Variants in EXOC6B observed in about 807,000 individuals in gnomAD.
EXOC6B encodes exocyst complex component 6B, also known as SEC15 homolog B.
In EXOC6B, 54 loss-of-function variants were observed where a neutral mutation model predicts 113.5. That is an observed-to-expected ratio of 0.48 (90% CI 0.38 to 0.60). The LOEUF (loss-of-function observed/expected upper bound fraction) is 0.60, where lower values mean the gene tolerates loss of function less well. Ranked by LOEUF, EXOC6B falls within the 20% of genes least tolerant of loss-of-function variation. The pLI is 0.00. For synonymous variants in EXOC6B, 357 were observed against 339.0 expected (o/e 1.05, Z -0.58); for missense variants, 797 against 977.5 (o/e 0.82, Z 2.46).
intron 1 of EXOC6B, among the ~76,000 whole-genome samples, chr2:72,746,393 G>A (rs1327408078): frequency 1.3e-5 from 2 of 151,926 alleles, no homozygotes; most frequent in African/African-American, 4.8e-5. Flanking sequence ...GTGGAGTCTG[G>A]TTTCCAAAAA....
chr2:72,582,088 A>G (rs1312754571), intron 6 of EXOC6B, among the ~76,000 whole-genome samples: 1 of 152,202 alleles, frequency 6.6e-6, no homozygotes. Flanking sequence ...TTCATAGGCC[A>G]TAGAAGAAAA....
intron 6 of EXOC6B, among the ~76,000 whole-genome samples, chr2:72,600,375 T>C (rs1364497702): frequency 4.2e-5 from 6 of 143,018 alleles, no homozygotes; most frequent in African/African-American, 1.6e-4. Flanking sequence ...CTGGGAGGCA[T>C]AGGTTGCACT....
At chr2:72,599,797 C>T (rs1573463408) in intron 6 of EXOC6B, among the ~76,000 whole-genome samples, 1 of 151,914 alleles carries the variant, frequency 6.6e-6, no homozygotes, top group East Asian at 1.9e-4. Context: ...GTGCCATTTA[C>T]ATTAGCACCC....
At chr2:72,800,800 C>T (rs1321451692) in intron 1 of EXOC6B, among the ~76,000 whole-genome samples, 2 of 152,144 alleles carry the variant, frequency 1.3e-5, no homozygotes, top group Non-Finnish European at 2.9e-5. Flanking sequence ...GATAAGCCAA[C>T]ATTATTTTTA....
intron 6 of EXOC6B, among the ~76,000 whole-genome samples, chr2:72,695,856 G>T (rs892066146): frequency 6.6e-6 from 1 of 152,198 alleles, no homozygotes; most frequent in African/African-American, 2.4e-5. Context: ...GCTCACTCCA[G>T]TGCAGTGGGA....
At chr2:72,751,057 GA>G (rs970243380) in intron 1 of EXOC6B, among the ~76,000 whole-genome samples, 21 of 150,620 alleles carry the variant, frequency 1.4e-4, no homozygotes, top group South Asian at 2.1e-4. Flanking sequence ...ACCAAGAAAA[GA>G]AAAAAAAACT....
intron 18 of EXOC6B, among the ~76,000 whole-genome samples, chr2:72,433,621 C>A (rs1318705147): frequency 1.3e-5 from 2 of 152,170 alleles, no homozygotes; most frequent in Non-Finnish European, 2.9e-5. Context: ...AGGTCCTTCA[C>A]ATCCCTTGTA....
intron 6 of EXOC6B, among the ~76,000 whole-genome samples, chr2:72,619,177 GC>G (rs1671588429): frequency 2.7e-5 from 4 of 149,576 alleles, no homozygotes; most frequent in Non-Finnish European, 6.0e-5. Flanking sequence ...GAAATACACA[GC>G]CAGAGAGAGA....
intron 1 of EXOC6B, among the ~76,000 whole-genome samples, chr2:72,751,633 A>G (rs577598682): frequency 1.3e-5 from 2 of 152,296 alleles, no homozygotes; most frequent in East Asian, 3.9e-4. Context: ...TTTAGAATAA[A>G]AACTATAACA....
intron 5 of EXOC6B, among the ~76,000 whole-genome samples, chr2:72,726,702 G>A (rs1388541668): frequency 1.3e-5 from 2 of 152,014 alleles, no homozygotes; most frequent in East Asian, 3.9e-4. Context: ...AGGGTAAAAT[G>A]GAAGAATATC....
At chr2:72,492,515 A>G in intron 15 of EXOC6B, 86 bp from the exon 16 acceptor site, 1 of 687,344 alleles carries the variant, frequency 1.5e-6, no homozygotes, top group Non-Finnish European at 2.6e-6. Context: ...TCGTGGTAAT[A>G]ATAATAAAAT....
intron 18 of EXOC6B, among the ~76,000 whole-genome samples, chr2:72,416,667 G>A (rs759249144): frequency 4.6e-5 from 7 of 152,230 alleles, no homozygotes; most frequent in Non-Finnish European, 7.3e-5. Context: ...TGAGGCTGCT[G>A]GTTCTGCCCC....
intron 17 of EXOC6B, among the ~76,000 whole-genome samples, chr2:72,475,346 TAGTCCCAAGTGGTTCAC>T (rs1367411940): frequency 4.6e-5 from 7 of 152,306 alleles, no homozygotes; most frequent in African/African-American, 1.4e-4. Flanking sequence ...AACATCCTCT[TAGTCCCAAGTGGTTCAC>T]ACGGGTATTG....
intron 6 of EXOC6B, among the ~76,000 whole-genome samples, chr2:72,638,923 T>C (rs565252497): frequency 6.6e-6 from 1 of 152,252 alleles, no homozygotes; most frequent in African/African-American, 2.4e-5. Flanking sequence ...TCAGCTGCCC[T>C]CTTCCAGCCT....
rs1264576121 is a variant in EXOC6B at position 72,462,237 on chromosome 2, C to A, written c.1980+2923G>T. The stretch of plus-strand genomic sequence containing the variant: ...CTATGTCCCAATAGTAAATAAGACA[C>A]TTTTGACACTATATTTTCTATGTGG... On this transcript the variant is annotated intron_variant, in intron 18 of 21. Coordinates refer to ENST00000272427, the MANE Select transcript of EXOC6B (RefSeq NM_015189.3). 3 of 152,130 alleles carry A rather than the reference C, an allele frequency of 2.0e-5. No homozygotes were observed. In the South Asian group the frequency reaches 6.2e-4, roughly 32 times the overall value. The allele number at this position is 152,130 out of a possible 1,614,324, so 9.4% of individuals were successfully genotyped here.
chr2:72,549,260 C>T (rs577243028), intron 8 of EXOC6B, among the ~76,000 whole-genome samples: 3 of 152,154 alleles, frequency 2.0e-5, no homozygotes, highest in South Asian at 4.2e-4. Flanking sequence ...TTGTAAGCAG[C>T]TAACATATAT....
chr2:72,507,704 A>G (rs2105634725), intron 11 of EXOC6B, among the ~76,000 whole-genome samples: 1 of 152,224 alleles, frequency 6.6e-6, no homozygotes, highest in Non-Finnish European at 1.5e-5. Context: ...TTTAAAAAGA[A>G]GGTATTTTGT....
chr2:72,321,203 T>G (rs1316755549), intron 20 of EXOC6B, among the ~76,000 whole-genome samples: 1 of 152,244 alleles, frequency 6.6e-6, no homozygotes, highest in Non-Finnish European at 1.5e-5. Flanking sequence ...ACTTACTATA[T>G]GACCCAGTAA....
intron 6 of EXOC6B, among the ~76,000 whole-genome samples, chr2:72,711,351 T>C (rs1178416824): frequency 2.0e-5 from 3 of 152,142 alleles, no homozygotes; most frequent in Non-Finnish European, 4.4e-5. Context: ...AGAACCTACA[T>C]GTATGTCCAC....
Sources: gnomAD v4.1 joint callset for allele counts (sites outside exome capture counted in the v4.1 genomes callset) on GRCh38, gnomAD v4.1.1 for gene constraint, MANE v1.5 for transcripts, NCBI Gene and HGNC (gene_info 2026-07-23, HGNC 2026-07-21) for gene names.